The following TTC28 variants were observed in gnomAD, a reference collection of about 807,000 sequenced individuals.
TTC28 encodes the protein tetratricopeptide repeat protein 28.
TTC28 carries 61 observed loss-of-function variants against 198.0 expected under a neutral mutation model. The ratio of observed to expected loss-of-function variants is 0.31; its 90% CI spans 0.25 to 0.38. The LOEUF (loss-of-function observed/expected upper bound fraction) is 0.38. TTC28 is among the 10% of genes least tolerant of loss of function. TTC28 has a pLI of 1.00. For missense variants in TTC28, 2,678 were observed against 3,164.0 expected (o/e 0.85, Z 3.69); for synonymous variants, 1,171 against 1,297.8 (o/e 0.90, Z 2.10).
intron 2 of TTC28, among the ~76,000 whole-genome samples, chr22:28,486,121 G>A (rs548062558): frequency 2.0e-5 from 3 of 151,960 alleles, no homozygotes; most frequent in Non-Finnish European, 4.4e-5. Flanking sequence ...AAATTCCTAG[G>A]AATTTTCTTC....
At chr22:28,101,336 C>T in intron 8 of TTC28, 56 bp from the exon 9 acceptor site, 1 of 1,369,070 alleles carries the variant, frequency 7.3e-7, no homozygotes, top group Non-Finnish European at 1.0e-6. Context: ...TTCCACTATC[C>T]TAAGGAGTCC....
intron 2 of TTC28, among the ~76,000 whole-genome samples, chr22:28,484,340 G>A (rs1425742316): frequency 6.6e-6 from 1 of 151,970 alleles, no homozygotes. Context: ...TCGAACTCCT[G>A]TACTCAAGGC....
intron 2 of TTC28, among the ~76,000 whole-genome samples, chr22:28,313,840 T>C (rs374085767): frequency 2.0e-5 from 3 of 152,140 alleles, no homozygotes; most frequent in Non-Finnish European, 2.9e-5. Flanking sequence ...CTATTCAACA[T>C]AGTATTGGAA....
intron 2 of TTC28, among the ~76,000 whole-genome samples, chr22:28,368,115 C>T (rs1471723229): frequency 2.0e-5 from 3 of 152,016 alleles, no homozygotes; most frequent in African/African-American, 7.2e-5. Context: ...AGGAAAACTA[C>T]AGGCCAATAT....
chr22:28,338,988 T>A (rs1237950398), intron 2 of TTC28, among the ~76,000 whole-genome samples: 1 of 152,242 alleles, frequency 6.6e-6, no homozygotes, highest in South Asian at 2.1e-4. Context: ...CTCTGTTTTT[T>A]CCCCATCTTT....
At chr22:28,502,437 G>A (rs944032656) in intron 2 of TTC28, among the ~76,000 whole-genome samples, 10 of 151,322 alleles carry the variant, frequency 6.6e-5, no homozygotes, top group African/African-American at 1.9e-4. Flanking sequence ...TCAGGAGATC[G>A]AGACCATCCT....
chr22:28,551,875 G>A (rs774484029), intron 2 of TTC28, among the ~76,000 whole-genome samples: 9 of 152,042 alleles, frequency 5.9e-5, no homozygotes, highest in Non-Finnish European at 1.2e-4. Flanking sequence ...AAGTCCTAGC[G>A]AGAGCAATCA....
chr22:28,657,432 T>G (rs1283126653), intron 1 of TTC28, among the ~76,000 whole-genome samples: 1 of 152,188 alleles, frequency 6.6e-6, no homozygotes, highest in Non-Finnish European at 1.5e-5. Flanking sequence ...ACAACACATT[T>G]CTGGTACCCT....
In TTC28 at chr22:28,176,450, A is replaced by T. The variant is rs940263660; in HGVS notation, c.934-12851T>A. Among the ~76,000 whole-genome samples, 5 of 152,280 alleles carry T rather than the reference A, an allele frequency of 3.3e-5. No individual in the cohort carries two copies. In the East Asian group the frequency reaches 9.6e-4, roughly 29 times the overall value. ...AAGGGAGGATTCTGAGGGGTTGGTTAAAAGGTACAAAGTTACAATTAGATG... is the reference window on the plus strand; with the variant it reads ...AAGGGAGGATTCTGAGGGGTTGGTTTAAAGGTACAAAGTTACAATTAGATG... On this transcript the variant is annotated intron_variant, in intron 5 of 22. Coordinates refer to ENST00000397906, the MANE Select transcript of TTC28 (RefSeq NM_001145418.2).
chr22:28,533,766 A>G (rs2145907385), intron 2 of TTC28, among the ~76,000 whole-genome samples: 1 of 152,324 alleles, frequency 6.6e-6, no homozygotes, highest in South Asian at 2.1e-4. Flanking sequence ...CACATCTACA[A>G]CCATCTGATC....
intron 5 of TTC28, among the ~76,000 whole-genome samples, chr22:28,247,296 T>C (rs1930172320): frequency 6.6e-6 from 1 of 152,136 alleles, no homozygotes; most frequent in South Asian, 2.1e-4. Flanking sequence ...AGCCAGCTCT[T>C]CAGCATGAAC....
At chr22:28,547,194 A>ATGTGTGTATGTGTGTGTGTGAG (rs1410197949) in intron 2 of TTC28, among the ~76,000 whole-genome samples, 1 of 150,866 alleles carries the variant, frequency 6.6e-6, no homozygotes, top group Admixed American at 6.8e-5. Flanking sequence ...ATCTCTCTGC[A>ATGTGTGTATGTGTGTGTGTGAG]TGTGTGTATG....
intron 6 of TTC28, among the ~76,000 whole-genome samples, chr22:28,151,533 T>C (rs952260443): frequency 1.3e-5 from 2 of 152,204 alleles, no homozygotes; most frequent in African/African-American, 4.8e-5. Flanking sequence ...AATAGCAATG[T>C]CTAGACAAGC....
intron 2 of TTC28, among the ~76,000 whole-genome samples, chr22:28,576,247 T>A (rs1437482218): frequency 6.6e-6 from 1 of 152,094 alleles, no homozygotes; most frequent in South Asian, 2.1e-4. Flanking sequence ...GTTGAAATAA[T>A]CATATGGGTT....
rs937103915 is a variant in TTC28 at position 28,389,198 on chromosome 22, G to C, written c.382-82555C>G. On this transcript the variant is annotated intron_variant, in intron 2 of 22. Transcript: ENST00000397906. Reference sequence around the variant, plus strand: ...TGCATCACAGGGATGAGGCCCACTTGATCATGGTGGATAAGCTTTTTGATG... The same window carrying C: ...TGCATCACAGGGATGAGGCCCACTTCATCATGGTGGATAAGCTTTTTGATG... Among the ~76,000 whole-genome samples, 4 of 152,194 alleles carry C rather than the reference G, an allele frequency of 2.6e-5. No homozygotes were observed. The East Asian group carries it at 7.7e-4, about 29-fold the overall frequency.
At chr22:28,615,720 G>A (rs1006769486) in intron 2 of TTC28, among the ~76,000 whole-genome samples, 1 of 141,906 alleles carries the variant, frequency 7.0e-6, no homozygotes, top group Non-Finnish European at 1.5e-5. Context: ...CCACATGTTT[G>A]CACTCATAAG....
chr22:28,188,368 G>C (rs1924400401), intron 5 of TTC28, among the ~76,000 whole-genome samples: 1 of 152,138 alleles, frequency 6.6e-6, no homozygotes, highest in Non-Finnish European at 1.5e-5. Context: ...GCAAGGAAAG[G>C]TGCCAATAAA....
At chr22:28,643,759 G>C (rs1185186794) in intron 1 of TTC28, among the ~76,000 whole-genome samples, 1 of 152,134 alleles carries the variant, frequency 6.6e-6, no homozygotes, top group African/African-American at 2.4e-5. Flanking sequence ...CGTATATTGT[G>C]AGTCTCCAAG....
chr22:28,336,971 G>A (rs1210334662), intron 2 of TTC28, among the ~76,000 whole-genome samples: 1 of 152,048 alleles, frequency 6.6e-6, no homozygotes, highest in Admixed American at 6.6e-5. Context: ...TCTCTTGTGG[G>A]CATTTAGTGC....
Sources: gnomAD v4.1 joint callset for allele counts (sites outside exome capture counted in the v4.1 genomes callset) on GRCh38, gnomAD v4.1.1 for gene constraint, MANE v1.5 for transcripts, NCBI Gene and HGNC (gene_info 2026-07-23, HGNC 2026-07-21) for gene names.